Variants in NCAM1 observed in about 807,000 individuals in gnomAD.
NCAM1 encodes antigen recognized by monoclonal antibody 5.1H11.
In NCAM1, 14 loss-of-function variants were observed where a neutral mutation model predicts 109.8. The ratio of observed to expected loss-of-function variants is 0.13; its 90% CI spans 0.08 to 0.20. The LOEUF is 0.20. NCAM1 is among the 10% of genes least tolerant of loss of function. The pLI is 1.00. For missense variants in NCAM1, 774 were observed against 1,109.9 expected (o/e 0.70, Z 4.30); for synonymous variants, 418 against 442.9 (o/e 0.94, Z 0.70).
At chr11:113,138,124 C>T (rs1555099808) in intron 1 of NCAM1, among the ~76,000 whole-genome samples, 2 of 152,164 alleles carry the variant, frequency 1.3e-5, no homozygotes, top group Admixed American at 1.3e-4. Flanking sequence ...TTGTTAGGCT[C>T]AGCTGCCTCT....
chr11:113,237,923 GATATAGATATATAGATAT>G (rs782129244), intron 14 of NCAM1, among the ~76,000 whole-genome samples: 33 of 21,774 alleles, frequency 1.5e-3, no homozygotes, highest in East Asian at 4.1e-3. Context: ...TAGATATATA[GATATAGATATATAGATAT>G]ATATATAGAT....
intron 15 of NCAM1, among the ~76,000 whole-genome samples, chr11:113,247,446 C>T (rs782132491): frequency 5.9e-5 from 9 of 152,196 alleles, no homozygotes; most frequent in Admixed American, 1.3e-4. Context: ...AAACCGTCAA[C>T]AGCTGGTCTC....
intron 1 of NCAM1, among the ~76,000 whole-genome samples, chr11:112,964,370 A>G (rs1950674851): frequency 6.6e-6 from 1 of 152,106 alleles, no homozygotes; most frequent in African/African-American, 2.4e-5. Flanking sequence ...AGTTTATTCT[A>G]GTATAAATTT....
At chr11:113,269,336 C>T (rs1946214807) in intron 17 of NCAM1, among the ~76,000 whole-genome samples, 1 of 152,182 alleles carries the variant, frequency 6.6e-6, no homozygotes. Context: ...CCAGCCAGAA[C>T]CAGGGTGCCA....
At chr11:113,232,964 T>C (rs1282195112) in intron 12 of NCAM1, 150 bp downstream of exon 12, 3 of 962,502 alleles carry the variant, frequency 3.1e-6, no homozygotes, top group Non-Finnish European at 4.7e-6. Context: ...CTGGGAGCCA[T>C]TGGATCAGCG....
intron 18 of NCAM1, 79 bp downstream of exon 18, chr11:113,270,474 C>A: frequency 1.5e-6 from 2 of 1,350,260 alleles, no homozygotes; most frequent in Non-Finnish European, 2.1e-6. Context: ...CCACCCTGCG[C>A]CATCAGCTGG....
chr11:113,052,321 A>C (rs1953532252), intron 1 of NCAM1, among the ~76,000 whole-genome samples: 1 of 152,218 alleles, frequency 6.6e-6, no homozygotes, highest in Non-Finnish European at 1.5e-5. Flanking sequence ...ATTACAATGG[A>C]GTTTGAAGAA....
intron 1 of NCAM1, among the ~76,000 whole-genome samples, chr11:112,981,282 T>C (rs1299034665): frequency 6.6e-6 from 1 of 151,932 alleles, no homozygotes; most frequent in African/African-American, 2.4e-5. Flanking sequence ...AGAAAAGTGT[T>C]TGGGTTTTGT....
intron 17 of NCAM1, among the ~76,000 whole-genome samples, chr11:113,266,174 A>G (rs1375557364): frequency 6.6e-6 from 1 of 152,120 alleles, no homozygotes; most frequent in Non-Finnish European, 1.5e-5. Flanking sequence ...GAGGCAGGAG[A>G]TGGCCTTTGT....
chr11:113,183,030 G>A (rs537198110), intron 1 of NCAM1, among the ~76,000 whole-genome samples: 1 of 152,308 alleles, frequency 6.6e-6, no homozygotes, highest in South Asian at 2.1e-4. Flanking sequence ...TTTGACTATA[G>A]AGGTGAAATG....
At chr11:113,163,571 G>T (rs1942676778) in intron 1 of NCAM1, among the ~76,000 whole-genome samples, 2 of 152,256 alleles carry the variant, frequency 1.3e-5, no homozygotes, top group Admixed American at 6.5e-5. Flanking sequence ...CTGGTGAATG[G>T]TAATACTCTG....
chr11:113,214,609 G>T lies in NCAM1; in HGVS notation c.1059+98G>T, dbSNP rs1591425464. On this transcript the variant is annotated intron_variant, in intron 8 of 19. Coordinates refer to ENST00000316851, the MANE Select transcript of NCAM1 (RefSeq NM_181351.5). The stretch of plus-strand genomic sequence containing the variant: ...TTCTCTTTGGGGAGCTGGGAGATGG[G>T]TTATGGTCACCAGAGGCCACAGCCA... 113 of 1,383,626 alleles carry T rather than the reference G, an allele frequency of 8.2e-5. 2 individuals carry two copies. In the South Asian group the frequency reaches 1.4e-3, roughly 17 times the overall value. 85.7% of individuals were successfully genotyped at this position (1,383,626 alleles called of 1,614,324 possible).
chr11:113,024,060 G>C (rs1237175806), intron 1 of NCAM1, among the ~76,000 whole-genome samples: 1 of 149,274 alleles, frequency 6.7e-6, no homozygotes, highest in Non-Finnish European at 1.5e-5. Context: ...CACTTTGGAG[G>C]GTTCCCTTGG....
At chr11:113,014,967 G>A (rs1555075061) in intron 1 of NCAM1, among the ~76,000 whole-genome samples, 5 of 152,192 alleles carry the variant, frequency 3.3e-5, no homozygotes, top group South Asian at 2.1e-4. Context: ...CCCAGCCACC[G>A]TCTGCTTGGG....
At chr11:113,137,678 G>T (rs1488494878) in intron 1 of NCAM1, among the ~76,000 whole-genome samples, 1 of 152,204 alleles carries the variant, frequency 6.6e-6, no homozygotes, top group Non-Finnish European at 1.5e-5. Flanking sequence ...TCATTATGGT[G>T]CACAACTAAT....
chr11:112,997,056 G>A (rs900281301), intron 1 of NCAM1, among the ~76,000 whole-genome samples: 8 of 152,138 alleles, frequency 5.3e-5, no homozygotes, highest in African/African-American at 7.2e-5. Context: ...CAGTGGGCAT[G>A]GGAAGCTTGG....
At chr11:112,990,585 A>G (rs1235951759) in intron 1 of NCAM1, among the ~76,000 whole-genome samples, 9 of 152,154 alleles carry the variant, frequency 5.9e-5, no homozygotes, top group Admixed American at 5.2e-4. Flanking sequence ...ATCTCAGACC[A>G]CTGCTGAGAG....
At chr11:113,134,751 G>T (rs1555099066) in intron 1 of NCAM1, among the ~76,000 whole-genome samples, 1 of 152,162 alleles carries the variant, frequency 6.6e-6, no homozygotes, top group East Asian at 1.9e-4. Context: ...ATTGTCCTTT[G>T]TGGCACACGT....
intron 9 of NCAM1, among the ~76,000 whole-genome samples, chr11:113,230,994 C>A (rs1555117092): frequency 6.6e-6 from 1 of 152,182 alleles, no homozygotes; most frequent in Non-Finnish European, 1.5e-5. Flanking sequence ...CCAGACCTGC[C>A]TAGGACTCTC....
Sources: gnomAD v4.1 joint callset for allele counts (sites outside exome capture counted in the v4.1 genomes callset) on GRCh38, gnomAD v4.1.1 for gene constraint, MANE v1.5 for transcripts, NCBI Gene and HGNC (gene_info 2026-07-23, HGNC 2026-07-21) for gene names.